ARHGAP15: variants seen among roughly 807,000 people sequenced by gnomAD.
The protein encoded by ARHGAP15 is Rho GTPase activating protein 15.
Under a neutral mutation model 63.7 loss-of-function variants are expected in ARHGAP15, and 51 were observed. That is an observed-to-expected ratio of 0.80 (90% CI 0.64 to 1.01). The LOEUF (loss-of-function observed/expected upper bound fraction) is 1.01, where lower values mean the gene tolerates loss of function less well. Among genes scored for constraint, ARHGAP15 ranks in the 50% least tolerant of loss-of-function variants. The pLI, the probability that ARHGAP15 is intolerant of heterozygous loss-of-function variation, is 0.00. For synonymous variants in ARHGAP15, 191 were observed against 193.8 expected, an observed-to-expected ratio of 0.99 and a Z score of 0.12; for missense variants, 560 against 564.6, an observed-to-expected ratio of 0.99 and a Z score of 0.08.
chr2:143,690,657 C>T (rs748031377), intron 12 of ARHGAP15, among the ~76,000 whole-genome samples: 1 of 152,072 alleles, frequency 6.6e-6, no homozygotes, highest in Non-Finnish European at 1.5e-5. Context: ...TTTTCACTAT[C>T]TAAACCACAC....
chr2:143,413,962 T>TGCGCGC (rs1337258046), intron 6 of ARHGAP15, among the ~76,000 whole-genome samples: 87 of 59,596 alleles, frequency 1.5e-3, no homozygotes, highest in South Asian at 2.6e-3. Context: ...TGTGTGTGTG[T>TGCGCGC]GTGTGCGCGC....
chr2:143,274,254 T>C (rs979298460), intron 6 of ARHGAP15, among the ~76,000 whole-genome samples: 14 of 152,196 alleles, frequency 9.2e-5, no homozygotes, highest in African/African-American at 3.4e-4. Context: ...TGGCTGTCTT[T>C]AAAGTTCAGA....
At chr2:143,413,926 G>GT (rs921932624) in intron 6 of ARHGAP15, among the ~76,000 whole-genome samples, 10 of 80,248 alleles carry the variant, frequency 1.2e-4, no homozygotes, top group African/African-American at 4.0e-4. Flanking sequence ...AAGGTAGGTA[G>GT]TTGTGTGTGT....
At chr2:143,170,636 G>A (rs896849638) in intron 2 of ARHGAP15, among the ~76,000 whole-genome samples, 3 of 151,968 alleles carry the variant, frequency 2.0e-5, no homozygotes, top group East Asian at 1.9e-4. Flanking sequence ...TGTATTCTCC[G>A]TTATGCCTAT....
intron 3 of ARHGAP15, among the ~76,000 whole-genome samples, chr2:143,212,457 G>A (rs1166448511): frequency 1.3e-5 from 2 of 152,190 alleles, no homozygotes; most frequent in Non-Finnish European, 2.9e-5. Flanking sequence ...CAAGAAGCCA[G>A]ATTTAGCATC....
intron 12 of ARHGAP15, among the ~76,000 whole-genome samples, chr2:143,668,286 T>C (rs1314810660): frequency 1.3e-5 from 2 of 152,074 alleles, no homozygotes; most frequent in African/African-American, 2.4e-5. Flanking sequence ...TTTTCTTTTT[T>C]TTTTTTTCTT....
At chr2:143,180,769 G>C (rs1044334929) in intron 2 of ARHGAP15, among the ~76,000 whole-genome samples, 3 of 152,086 alleles carry the variant, frequency 2.0e-5, no homozygotes, top group African/African-American at 7.2e-5. Flanking sequence ...TGCCTCCCGG[G>C]TTCACTGCAT....
chr2:143,530,997 A>C (rs1049770002), intron 10 of ARHGAP15, among the ~76,000 whole-genome samples: 1 of 152,194 alleles, frequency 6.6e-6, no homozygotes, highest in African/African-American at 2.4e-5. Flanking sequence ...GCAAAGAACA[A>C]TGTGGTGAGG....
chr2:143,280,894 T>C (rs1189421768), intron 6 of ARHGAP15, among the ~76,000 whole-genome samples: 1 of 152,076 alleles, frequency 6.6e-6, no homozygotes, highest in Non-Finnish European at 1.5e-5. Context: ...TAGTTTTAGA[T>C]ACAAAGAGAT....
At chr2:143,660,466 CCTGT>C (rs1681701824) in intron 12 of ARHGAP15, among the ~76,000 whole-genome samples, 1 of 152,302 alleles carries the variant, frequency 6.6e-6, no homozygotes, top group African/African-American at 2.4e-5. Flanking sequence ...AGTGGTTTAA[CCTGT>C]CTAAGAATCA....
intron 11 of ARHGAP15, among the ~76,000 whole-genome samples, chr2:143,570,754 C>T (rs1047829053): frequency 3.3e-5 from 5 of 152,210 alleles, no homozygotes; most frequent in Admixed American, 6.5e-5. Context: ...CTGCAATTTA[C>T]ACATTATTTC....
At chr2:143,682,439 GAATT>G (rs1683142466) in intron 12 of ARHGAP15, among the ~76,000 whole-genome samples, 2 of 151,906 alleles carry the variant, frequency 1.3e-5, no homozygotes, top group Admixed American at 1.3e-4. Context: ...TTAAGAAATA[GAATT>G]GACTTTAAAA....
chr2:143,208,014 C>A (rs1460251972), intron 3 of ARHGAP15, among the ~76,000 whole-genome samples: 1 of 152,062 alleles, frequency 6.6e-6, no homozygotes. Flanking sequence ...CAGAGTCATC[C>A]AGGAGTCCTG....
intron 12 of ARHGAP15, chr2:143,676,626 T>C (rs1308098378): frequency 1.3e-5 from 2 of 152,166 alleles, no homozygotes; most frequent in Admixed American, 6.6e-5. Context: ...AGTGGAGCAG[T>C]CAGAACACAT....
At chr2:143,684,143 A>T (rs1375253891) in intron 12 of ARHGAP15, among the ~76,000 whole-genome samples, 1 of 152,196 alleles carries the variant, frequency 6.6e-6, no homozygotes, top group African/African-American at 2.4e-5. Flanking sequence ...GTGTACAAGA[A>T]TGTCACATCT....
chr2:143,293,473 T>A (rs148693922), intron 6 of ARHGAP15, among the ~76,000 whole-genome samples: 177 of 152,254 alleles, frequency 1.2e-3, no homozygotes, highest in Middle Eastern at 3.4e-3. Context: ...TCTCCATTTA[T>A]ATTCTTGTCT....
intron 13 of ARHGAP15, among the ~76,000 whole-genome samples, chr2:143,721,748 G>A (rs1025496026): frequency 4.6e-5 from 7 of 151,674 alleles, no homozygotes; most frequent in Non-Finnish European, 7.4e-5. Context: ...GTGCAGTGGC[G>A]GGATCTTGGC....
chr2:143,379,079 T>G (rs538276967), intron 6 of ARHGAP15, among the ~76,000 whole-genome samples: 2 of 152,168 alleles, frequency 1.3e-5, no homozygotes, highest in African/African-American at 4.8e-5. Flanking sequence ...CCCCGATGAC[T>G]TGTTTTAGAA....
At chr2:143,427,949 T>A (rs544394910) in intron 6 of ARHGAP15, among the ~76,000 whole-genome samples, 1 of 152,220 alleles carries the variant, frequency 6.6e-6, no homozygotes, top group East Asian at 1.9e-4. Context: ...TAGATAAGGT[T>A]TGTCTATTGA....
Sources: gnomAD v4.1 joint callset for allele counts (sites outside exome capture counted in the v4.1 genomes callset) on GRCh38, gnomAD v4.1.1 for gene constraint, MANE v1.5 for transcripts, NCBI Gene and HGNC (gene_info 2026-07-23, HGNC 2026-07-21) for gene names.